The following MBTD1 variants were observed in gnomAD, a reference collection of about 807,000 sequenced individuals.
MBTD1 encodes the protein MBT domain-containing protein 1.
Under a neutral mutation model 87.8 loss-of-function variants are expected in MBTD1, and 24 were observed. The ratio of observed to expected loss-of-function variants is 0.27; its 90% CI spans 0.20 to 0.38. MBTD1 has a LOEUF of 0.38. Among genes scored for constraint, MBTD1 ranks in the 10% least tolerant of loss-of-function variants. MBTD1 has a pLI of 1.00. For synonymous variants in MBTD1, 237 were observed against 248.6 expected (o/e 0.95, Z 0.44); for missense variants, 436 against 760.2 (o/e 0.57, Z 5.02).
chr17:51,254,554 C>T (rs1449396455), intron 2 of MBTD1, among the ~76,000 whole-genome samples: 1 of 152,134 alleles, frequency 6.6e-6, no homozygotes, highest in Non-Finnish European at 1.5e-5. Context: ...AGATTTAAAG[C>T]AACAGTGAAC....
At chr17:51,246,878 G>A (rs2054468758) in intron 2 of MBTD1, among the ~76,000 whole-genome samples, 1 of 152,028 alleles carries the variant, frequency 6.6e-6, no homozygotes, top group Non-Finnish European at 1.5e-5. Flanking sequence ...GACCTCAGGT[G>A]ATCCGCCCGC....
At chr17:51,240,606 T>C (rs2054109562) in intron 2 of MBTD1, among the ~76,000 whole-genome samples, 1 of 152,212 alleles carries the variant, frequency 6.6e-6, no homozygotes, top group South Asian at 2.1e-4. Flanking sequence ...CGATACACAC[T>C]AACATGACTT....
intron 12 of MBTD1, among the ~76,000 whole-genome samples, chr17:51,198,914 T>G (rs1389186850): frequency 6.6e-6 from 1 of 152,102 alleles, no homozygotes; most frequent in Non-Finnish European, 1.5e-5. Context: ...GTGATTCTCT[T>G]GCCTTAGCCT....
chr17:51,190,466 C>T (rs1249443263), intron 16 of MBTD1, among the ~76,000 whole-genome samples: 1 of 151,760 alleles, frequency 6.6e-6, no homozygotes, highest in Non-Finnish European at 1.5e-5. Context: ...CACCTGTAAT[C>T]CCAGCACTTT....
At chr17:51,182,402 C>T (rs763060251) in intron 16 of MBTD1, among the ~76,000 whole-genome samples, 24 of 151,656 alleles carry the variant, frequency 1.6e-4, no homozygotes, top group African/African-American at 4.6e-4. Context: ...GTTTGGATTA[C>T]GGTGTCAGCC....
At chr17:51,260,835 A>G (rs1265329459), upstream of MBTD1, 13 of 1,598,316 alleles carry the variant, frequency 8.1e-6, no homozygotes, top group Non-Finnish European at 1.0e-5. Flanking sequence ...GAGGAGGACA[A>G]ACCGGCCGTG....
At chr17:51,243,487 ATTTCC>A (rs2054267322) in intron 2 of MBTD1, among the ~76,000 whole-genome samples, 1 of 152,200 alleles carries the variant, frequency 6.6e-6, no homozygotes, top group Admixed American at 6.5e-5. Context: ...TTCAATGTGC[ATTTCC>A]TTGGAATAAA....
chr17:51,198,046 TC>T (rs1400834755), intron 12 of MBTD1, among the ~76,000 whole-genome samples: 1 of 152,170 alleles, frequency 6.6e-6, no homozygotes, highest in Admixed American at 6.5e-5. Flanking sequence ...TTGCCTCTCT[TC>T]CAGTGTCTCG....
chr17:51,255,947 C>T (rs1474417494), intron 2 of MBTD1, among the ~76,000 whole-genome samples: 2 of 152,130 alleles, frequency 1.3e-5, no homozygotes, highest in Non-Finnish European at 1.5e-5. Context: ...CTATGCTTAG[C>T]ACCAGAAATA....
chr17:51,203,816 G>A lies in MBTD1; in HGVS notation c.714C>T (p.Ser238=), dbSNP rs770734259. 2.9e-5 allele frequency: 47 copies of A among 1,612,366 alleles called. No homozygotes were observed. Among genetic ancestry groups the A allele is most frequent in the Non-Finnish European group, 3.4e-5 (40 of 1,179,596 alleles). Residue 238 remains serine (S), a synonymous_variant, in exon 8 of 17, where the codon AGC becomes AGT. Transcript: ENST00000586178. The part of the protein sequence containing the change: ...DIHPVGWCAA[S]GKPLVPPRTI... Reference sequence around the variant, plus strand: ...TTCTAGGAGGAACAAGAGGTTTTCCGCTGGCTGCACACCAACCAACTGGAT... The same window carrying A: ...TTCTAGGAGGAACAAGAGGTTTTCCACTGGCTGCACACCAACCAACTGGAT...
At chr17:51,212,846 T>A (rs1020310606) in intron 6 of MBTD1, among the ~76,000 whole-genome samples, 11 of 152,146 alleles carry the variant, frequency 7.2e-5, no homozygotes, top group African/African-American at 2.7e-4. Context: ...AACCTCCACC[T>A]TCCGGTTTCA....
chr17:51,245,376 T>A (rs914773118), intron 2 of MBTD1, among the ~76,000 whole-genome samples: 2 of 152,236 alleles, frequency 1.3e-5, no homozygotes, highest in South Asian at 4.1e-4. Context: ...TCCCCATACA[T>A]TTAAAATATC....
intron 11 of MBTD1, 53 bp from the exon 12 acceptor site, chr17:51,201,749 A>T: frequency 8.3e-7 from 1 of 1,197,968 alleles, no homozygotes; most frequent in Non-Finnish European, 1.2e-6. Flanking sequence ...TTATTTTGAT[A>T]ATTAAAATAT....
chr17:51,205,634 C>A (rs183413496), intron 7 of MBTD1, among the ~76,000 whole-genome samples: 35 of 152,170 alleles, frequency 2.3e-4, no homozygotes, highest in Non-Finnish European at 1.0e-4. Flanking sequence ...GTGACAAAAA[C>A]GTGCTGTATG....
At chr17:51,253,026 T>G (rs1372240228) in intron 2 of MBTD1, among the ~76,000 whole-genome samples, 2 of 152,110 alleles carry the variant, frequency 1.3e-5, no homozygotes, top group Admixed American at 6.6e-5. Context: ...GGACCATTTT[T>G]TTTGGAATAC....
At chr17:51,232,876 A>AAAAAAT (rs750168151) in intron 2 of MBTD1, among the ~76,000 whole-genome samples, 47 of 151,862 alleles carry the variant, frequency 3.1e-4, no homozygotes, top group Non-Finnish European at 5.3e-4. Context: ...TGCCTCTACA[A>AAAAAAT]AAAAATAAAA....
chr17:51,224,977 T>A (rs889944841), intron 3 of MBTD1, 31 bp downstream of exon 3: 7 of 1,418,460 alleles, frequency 4.9e-6, no homozygotes, highest in Non-Finnish European at 6.7e-6. Flanking sequence ...AACATAAAGC[T>A]GTAGAACAGG....
At chr17:51,242,616 T>G (rs922136471) in intron 2 of MBTD1, among the ~76,000 whole-genome samples, 1 of 152,176 alleles carries the variant, frequency 6.6e-6, no homozygotes, top group African/African-American at 2.4e-5. Context: ...TTTCATTTTT[T>G]GGGGGGACTA....
chr17:51,236,889 T>C (rs570914768), intron 2 of MBTD1, among the ~76,000 whole-genome samples: 1 of 152,114 alleles, frequency 6.6e-6, no homozygotes. Context: ...AAGTAGTTCA[T>C]AGGCCTAAAT....
Sources: allele counts gnomAD v4.1 joint callset (sites outside exome capture counted in the v4.1 genomes callset), GRCh38; gene constraint gnomAD v4.1.1; transcripts MANE v1.5; gene names NCBI Gene and HGNC (gene_info 2026-07-23, HGNC 2026-07-21).